The following YKT6 variants were observed in gnomAD, a reference collection of about 807,000 sequenced individuals.
YKT6 encodes the protein synaptobrevin homolog YKT6.
In YKT6, 12 loss-of-function variants were observed where a neutral mutation model predicts 29.3. The observed-to-expected ratio is 0.41, with a 90% CI of 0.26 to 0.66. YKT6 has a LOEUF of 0.66. Ranked by LOEUF, YKT6 falls within the 30% of genes least tolerant of loss-of-function variation. The pLI, the probability that YKT6 is intolerant of heterozygous loss-of-function variation, is 0.32. For missense variants in YKT6, 188 were observed against 243.8 expected (o/e 0.77, Z 1.52); for synonymous variants, 86 against 94.3 (o/e 0.91, Z 0.51).
chr7:44,212,369 CGAG>C lies in YKT6; in HGVS notation c.*91_*93del. ...CTGGAAAAGAAGAGACAGCCATAGA[CGAG>C]GAGCCAGAGTGGGGGCAGACTGGCC... On this transcript the variant is annotated 3_prime_UTR_variant, in exon 7 of 7. Transcript: ENST00000223369. 1 of 1,552,968 alleles carries C rather than the reference CGAG, an allele frequency of 6.4e-7. No individual in the cohort carries two copies. The highest frequency in any genetic ancestry group is 8.8e-7 in the Non-Finnish European group (1 of 1,134,356).
chr7:44,208,335 C>T, intron 5 of YKT6, 137 bp downstream of exon 5: 1 of 865,084 alleles, frequency 1.2e-6, no homozygotes, highest in Non-Finnish European at 1.8e-6. Flanking sequence ...TTGCCCACCC[C>T]TTCCCCCACC....
At position 44,203,851 on chromosome 7, in the gene YKT6, A is replaced by G. The variant is rs186481255; in HGVS notation, c.105-717A>G. 2.6e-4 allele frequency among the ~76,000 whole-genome samples: 39 copies of G among 152,152 alleles called. 1 individual carries two copies. The highest frequency in any genetic ancestry group is 2.4e-3 in the Admixed American group (36 of 15,290). On this transcript the variant is annotated intron_variant, in intron 1 of 6. Transcript: ENST00000223369. ...TTTGATGGCCCTGGTTGCCCTTTAT[A>G]TCACATCCTCAGTTGGAGGCTCCTT... is the stretch of plus-strand genomic sequence containing the variant.
rs1356554961 is a variant in YKT6, at chr7:44,212,294, A to G, written c.*12A>G. ...GTGCCATCATGTGATGCAGCCTGCC[A>G]GAGGCCCAATGCTGGAATGGCACCA... is the stretch of plus-strand genomic sequence containing the variant. On this transcript the variant is annotated 3_prime_UTR_variant, in exon 7 of 7. Coordinates refer to ENST00000223369, the MANE Select transcript of YKT6 (RefSeq NM_006555.4). The G allele has an allele frequency of 6.2e-7, 1 of 1,613,772 alleles. No homozygotes were observed. Among genetic ancestry groups the G allele is most frequent in the South Asian group, 1.1e-5 (1 of 91,054 alleles).
At chr7:44,210,781 C>G in intron 5 of YKT6, 1 of 577,918 alleles carries the variant, frequency 1.7e-6, no homozygotes, top group South Asian at 1.5e-5. Flanking sequence ...CTGGGGACAG[C>G]TTTTTGGGAA....
intron 6 of YKT6, chr7:44,211,405 C>G (rs2096346755): frequency 1.8e-6 from 1 of 566,306 alleles, no homozygotes. Context: ...CTCCTACTCC[C>G]AGTCCAGGAA....
At chr7:44,210,521 A>G (rs1018140418) in intron 5 of YKT6, among the ~76,000 whole-genome samples, 1 of 152,112 alleles carries the variant, frequency 6.6e-6, no homozygotes, top group Non-Finnish European at 1.5e-5. Flanking sequence ...CCAAGACCCT[A>G]TTTCTAAATA....
At chr7:44,210,940 C>CT in intron 5 of YKT6, 83 bp from the exon 6 acceptor site, 1 of 1,470,222 alleles carries the variant, frequency 6.8e-7, no homozygotes, top group Non-Finnish European at 9.5e-7. Flanking sequence ...AGGTAAGGCA[C>CT]TTTCCCCCAT....
chr7:44,201,190 C>G lies in YKT6; in HGVS notation c.55C>G (p.Leu19Val). The part of the protein sequence containing the change: ...LYKGEAKVVL[L>V]KAAYDVSSFS... The stretch of plus-strand genomic sequence containing the variant: ...CAAAGGCGAGGCCAAGGTGGTGCTG[C>G]TCAAAGCCGCATACGATGTGTCTTC... Residue 19 changes from leucine (L) to valine (V), a missense_variant, in exon 1 of 7, where the codon CTC becomes GTC. Coordinates refer to ENST00000223369, the MANE Select transcript of YKT6 (RefSeq NM_006555.4). 6.2e-7 allele frequency: 1 copy of G among 1,613,066 alleles called. No homozygotes were observed. The highest frequency in any genetic ancestry group is 8.5e-7 in the Non-Finnish European group (1 of 1,179,478).
At position 44,206,396 on chromosome 7, in the gene YKT6, C is replaced by T. The variant is rs1160617543; in HGVS notation, c.199C>T (p.His67Tyr). ...TCTTGTCTCCTTAGACTATCTGTGCCACGTCTACGTCCGGAATGATAGTCT... is the reference window on the plus strand; with the variant it reads ...TCTTGTCTCCTTAGACTATCTGTGCTACGTCTACGTCCGGAATGATAGTCT... Reference protein sequence around the residue: ...ASVKEQDYLCHVYVRNDSLAG... With the variant: ...ASVKEQDYLCYVYVRNDSLAG... The change falls in exon 3 of 7, where the codon CAC becomes TAC. Residue 67 changes from histidine (H) to tyrosine (Y), a missense_variant. By Grantham distance (83) the His-to-Tyr change is moderately conservative (BLOSUM62 2). Around this residue, in one of 3 missense-constraint regions of YKT6, gnomAD observed 100 missense variants for 136.3 expected, o/e 0.73. Transcript: ENST00000223369. 1.2e-6 allele frequency: 2 copies of T among 1,613,936 alleles called. No individual in the cohort carries two copies. The highest frequency in any genetic ancestry group is 2.7e-5 in the African/African-American group (2 of 74,920).
Position 44,201,248 on chromosome 7 carries a change from C to G in YKT6, c.104+9C>G, listed in dbSNP as rs755337725. ...TTTTTCCAGAGATCCAGGTGAGCGG[C>G]ACAGGCTGGTGGGCCGTGGCGGTCG... On this transcript the variant is annotated intron_variant, in intron 1 of 6. Transcript: ENST00000223369. 6.2e-7 allele frequency: 1 copy of G among 1,609,436 alleles called. No homozygotes were observed. The highest frequency in any genetic ancestry group is 1.1e-5 in the South Asian group (1 of 90,530).
chr7:44,212,261 C>G lies in YKT6; in HGVS notation c.576C>G (p.Asn192Lys). 1 of 1,614,064 alleles carries G rather than the reference C, an allele frequency of 6.2e-7. No homozygotes were observed. Among genetic ancestry groups the G allele is most frequent in the Non-Finnish European group, 8.5e-7 (1 of 1,179,990 alleles). The stretch of plus-strand genomic sequence containing the variant: ...TTTTTTCCAAGGCCCGGAAACAAAA[C>G]TCATGCTGTGCCATCATGTGATGCA... ...KAFYKTARKQ[N>K]SCCAIM Residue 192 changes from asparagine to lysine, a missense_variant, in exon 7 of 7, where the codon AAC (asparagine) becomes AAG (lysine). Around this residue, in one of 3 missense-constraint regions of YKT6, gnomAD observed 17 missense variants for 40.1 expected, o/e 0.42. Coordinates refer to ENST00000223369, the MANE Select transcript of YKT6 (RefSeq NM_006555.4).
At position 44,202,874 on chromosome 7, in the gene YKT6, T is replaced by C. The variant is rs368278691; in HGVS notation, c.104+1635T>C. ...GGCCTACATTCACTGCTCTGTGTTG[T>C]TGCTTTTCTCAGATGGAACTTTTGG... On this transcript the variant is annotated intron_variant, in intron 1 of 6. Coordinates refer to ENST00000223369, the MANE Select transcript of YKT6 (RefSeq NM_006555.4). 3.9e-5 allele frequency among the ~76,000 whole-genome samples: 6 copies of C among 152,340 alleles called. No homozygotes were observed. The East Asian group carries it at 1.2e-3, about 29-fold the overall frequency.
chr7:44,212,390 G>C lies in YKT6; in HGVS notation c.*108G>C. ...TAGACGAGGAGCCAGAGTGGGGGCA[G>C]ACTGGCCATTTTTATTTTGAAGTTC... is the stretch of plus-strand genomic sequence containing the variant. On this transcript the variant is annotated 3_prime_UTR_variant, in exon 7 of 7. Transcript: ENST00000223369. 1 of 1,406,218 alleles carries C rather than the reference G, an allele frequency of 7.1e-7. No individual in the cohort carries two copies. The highest frequency in any genetic ancestry group is 9.8e-7 in the Non-Finnish European group (1 of 1,016,292). 87.1% of individuals were successfully genotyped at this position (1,406,218 alleles called of 1,614,324 possible). A position where few individuals can be genotyped will look rare whatever the true frequency, so the allele number is the denominator to read the frequency against.
At chr7:44,204,802 A>G in intron 2 of YKT6, 152 bp downstream of exon 2, 2 of 708,392 alleles carry the variant, frequency 2.8e-6, no homozygotes, top group South Asian at 3.8e-5. Context: ...TTTATGCAGA[A>G]TTCTGTGCCC....
At chr7:44,212,050 C>T (rs1465956500) in intron 6 of YKT6, among the ~76,000 whole-genome samples, 197 bp from the exon 7 acceptor site, 2 of 152,184 alleles carry the variant, frequency 1.3e-5, no homozygotes, top group Non-Finnish European at 2.9e-5. Flanking sequence ...GTTTTGGAAG[C>T]CGGGGCCCGC....
Position 44,211,051 on chromosome 7 carries a change from G to T in YKT6, c.488G>T (p.Arg163Leu). The T allele has an allele frequency of 6.2e-7, 1 of 1,614,018 alleles. No individual in the cohort carries two copies. The highest frequency in any genetic ancestry group is 8.5e-7 in the Non-Finnish European group (1 of 1,179,996). Residue 163 changes from arginine (R) to leucine (L), a missense_variant, in exon 6 of 7, where the codon CGA (arginine) becomes CTA (leucine). Physicochemically the swap from Arg to Leu is moderately radical, Grantham distance 102. Around this residue, in one of 3 missense-constraint regions of YKT6, gnomAD observed 100 missense variants for 136.3 expected, o/e 0.73. Transcript: ENST00000223369. ...LHNTMESLLERGEKLDDLVSK... is the reference protein window; with the variant it reads ...LHNTMESLLELGEKLDDLVSK... ...AACACCATGGAGTCTCTGTTAGAGC[G>T]AGGTGAGAAGCTAGATGACTTGGTG...
chr7:44,208,050 G>A lies in YKT6; in HGVS notation c.394-83G>A, dbSNP rs2096342830. The A allele has an allele frequency of 2.1e-5, 31 of 1,458,164 alleles. 1 individual carries two copies. In the South Asian group the frequency reaches 3.6e-4, roughly 17 times the overall value. The allele number at this position is 1,458,164 out of a possible 1,614,324, so 90.3% of individuals were successfully genotyped here. A position where few individuals can be genotyped will look rare whatever the true frequency, so the allele number is the denominator to read the frequency against. ...AGGCTGTGGTTTTTAACCTGTGAAA[G>A]TTTGTCCAGCTTCCTCAGTTTTAGG... On this transcript the variant is annotated intron_variant, in intron 4 of 6. Coordinates refer to ENST00000223369, the MANE Select transcript of YKT6 (RefSeq NM_006555.4).
intron 1 of YKT6, 82 bp from the exon 2 acceptor site, chr7:44,204,486 G>A: frequency 7.3e-7 from 1 of 1,364,292 alleles, no homozygotes; most frequent in Non-Finnish European, 1.0e-6. Context: ...TCTACTTAAT[G>A]TATAAGCCCA....
At chr7:44,201,359 T>G (rs1583643034) in intron 1 of YKT6, 120 bp downstream of exon 1, 1 of 247,230 alleles carries the variant, frequency 4.0e-6, no homozygotes, top group Non-Finnish European at 5.8e-6. Context: ...AGGCCAAGGG[T>G]AGGGGCAGGG....
Sources: gnomAD v4.1 joint callset for allele counts (sites outside exome capture counted in the v4.1 genomes callset) on GRCh38, gnomAD v4.1.1 for gene constraint, gnomAD v4.1.1 regional missense constraint, MANE v1.5 for transcripts, NCBI Gene and HGNC (gene_info 2026-07-23, HGNC 2026-07-21) for gene names.